Variants in BSCL2 observed in about 807,000 individuals in gnomAD.
BSCL2 encodes seipin.
BSCL2 carries 41 observed loss-of-function variants against 57.4 expected under a neutral mutation model. The ratio of observed to expected loss-of-function variants is 0.71; its 90% CI spans 0.56 to 0.93. The LOEUF (loss-of-function observed/expected upper bound fraction) is 0.93, where lower values mean the gene tolerates loss of function less well. BSCL2 is among the 40% of genes least tolerant of loss of function. The pLI, the probability that BSCL2 is intolerant of heterozygous loss-of-function variation, is 0.00. For missense variants in BSCL2, 539 were observed against 586.7 expected (o/e 0.92, Z 0.84); for synonymous variants, 237 against 227.3 (o/e 1.04, Z -0.38).
intron 3 of BSCL2, among the ~76,000 whole-genome samples, chr11:62,695,976 C>T (rs1180011084): frequency 6.6e-6 from 1 of 151,994 alleles, no homozygotes; most frequent in Admixed American, 6.6e-5. Flanking sequence ...AGTTCAAGAC[C>T]AGCCTGGCCA....
At chr11:62,694,390 GA>G (rs1228897094) in intron 4 of BSCL2, among the ~76,000 whole-genome samples, 177 bp downstream of exon 4, 1 of 151,298 alleles carries the variant, frequency 6.6e-6, no homozygotes, top group Admixed American at 6.6e-5. Context: ...TTTTTTTGTA[GA>G]GATGGGTTTC....
At chr11:62,699,811 TG>T (rs1447614010) in intron 3 of BSCL2, among the ~76,000 whole-genome samples, 1 of 151,090 alleles carries the variant, frequency 6.6e-6, no homozygotes, top group East Asian at 2.0e-4. Flanking sequence ...CCAAAGTAGC[TG>T]GGACTATAGG....
At chr11:62,707,043 C>T in intron 1 of BSCL2, 66 bp downstream of exon 1, 5 of 1,098,522 alleles carry the variant, frequency 4.6e-6, no homozygotes, top group South Asian at 1.3e-5. Context: ...CATCCCCCCG[C>T]CCCCTTCACG....
chr11:62,698,097 C>T (rs1408278238), intron 3 of BSCL2, among the ~76,000 whole-genome samples: 3 of 151,922 alleles, frequency 2.0e-5, no homozygotes, highest in African/African-American at 7.3e-5. Flanking sequence ...TTAGTAGAGA[C>T]AGGGTTTCAC....
chr11:62,704,537 C>T (rs1945757109), intron 2 of BSCL2, among the ~76,000 whole-genome samples: 1 of 150,694 alleles, frequency 6.6e-6, no homozygotes, highest in Admixed American at 6.7e-5. Flanking sequence ...CAGAGCAAGA[C>T]TCCATCTCAA....
At chr11:62,708,836 CT>C, upstream of BSCL2, 3 of 1,554,638 alleles carry the variant, frequency 1.9e-6, no homozygotes, top group Non-Finnish European at 2.7e-6. Context: ...CAACTCCTCC[CT>C]TTTCCCTCTC....
At chr11:62,695,711 C>CAAAA (rs398016310) in intron 3 of BSCL2, among the ~76,000 whole-genome samples, 1 of 66,450 alleles carries the variant, frequency 1.5e-5, no homozygotes, top group African/African-American at 5.7e-5. Context: ...AACTCTGTCT[C>CAAAA]AAAAAAAAAA....
Position 62,705,464 on chromosome 11 carries a change from C to T in BSCL2, c.241G>A (p.Gly81Ser). ...VPALLWAQEV[G>S]QVLAGRARRL... The stretch of plus-strand genomic sequence containing the variant: ...CGGGCACGGCCTGCCAAGACTTGGC[C>T]CACCTCCTGGGCCCACAGTAAGGCA... The change falls in exon 2 of 11, where the codon GGC becomes AGC. Residue 81 changes from glycine (G) to serine (S), a missense_variant. Physicochemically the swap from Gly to Ser is moderately conservative, Grantham distance 56. This residue lies in a region of BSCL2 where 218 missense variants were observed against 224.8 expected (regional missense o/e 0.97). Coordinates refer to ENST00000360796, the MANE Select transcript of BSCL2 (RefSeq NM_001122955.4). 1 of 1,614,162 alleles carries T rather than the reference C, an allele frequency of 6.2e-7. No homozygotes were observed. The highest frequency in any genetic ancestry group is 8.5e-7 in the Non-Finnish European group (1 of 1,180,020).
intron 2 of BSCL2, among the ~76,000 whole-genome samples, chr11:62,703,348 T>C (rs1945702747): frequency 9.8e-5 from 1 of 10,248 alleles, no homozygotes; most frequent in South Asian, 4.3e-3. Flanking sequence ...TGCATATACG[T>C]TTTTTTTTTT....
At position 62,690,310 on chromosome 11, in the gene BSCL2, G is replaced by T. The variant is rs567462672; in HGVS notation, c.*57C>A. 3 of 1,611,000 alleles carry T rather than the reference G, an allele frequency of 1.9e-6. No homozygotes were observed. Among genetic ancestry groups the T allele is most frequent in the Non-Finnish European group, 8.5e-7 (1 of 1,178,462 alleles). On this transcript the variant is annotated 3_prime_UTR_variant, in exon 11 of 11. Coordinates refer to ENST00000360796, the MANE Select transcript of BSCL2 (RefSeq NM_001122955.4). ...CAAAATAGTTTATTGAAGGAAAAAC[G>T]AGGGGAGAGGAGTCAGGTGGGAAAG...
rs914194711 is a variant in BSCL2, at chr11:62,707,343, T to C, written c.-148A>G. On this transcript the variant is annotated 5_prime_UTR_variant, in exon 1 of 11. Transcript: ENST00000360796. Reference sequence around the variant, plus strand: ...AGGGTCCCTGGGAGAGAAACGAAGATTCAGGTGCTAAGTGCTGTGTCAGAG... The same window carrying C: ...AGGGTCCCTGGGAGAGAAACGAAGACTCAGGTGCTAAGTGCTGTGTCAGAG... The C allele has an allele frequency of 5.2e-6, 4 of 767,820 alleles. No individual in the cohort carries two copies. The highest frequency in any genetic ancestry group is 9.1e-6 in the Non-Finnish European group (4 of 441,444). 47.6% of individuals were successfully genotyped at this position (767,820 alleles called of 1,614,324 possible). A position where few individuals can be genotyped will look rare whatever the true frequency, so the allele number is the denominator to read the frequency against.
upstream of BSCL2, chr11:62,708,277 G>A (rs765766047): frequency 4.6e-6 from 7 of 1,527,282 alleles, no homozygotes; most frequent in Admixed American, 3.3e-5. Context: ...TGCTCTGAGA[G>A]GTCCCTCTTT....
intron 3 of BSCL2, among the ~76,000 whole-genome samples, chr11:62,701,221 A>G (rs1002232404): frequency 6.6e-6 from 1 of 152,194 alleles, no homozygotes. Flanking sequence ...TTAGGTCTAA[A>G]ACATTGCTTA....
upstream of BSCL2, chr11:62,708,688 C>T (rs2083584360): frequency 1.2e-6 from 2 of 1,613,836 alleles, no homozygotes; most frequent in East Asian, 4.5e-5. Flanking sequence ...GTGTCCAAGG[C>T]AGCAGCAGAC....
At chr11:62,697,815 C>T (rs1158858545) in intron 3 of BSCL2, among the ~76,000 whole-genome samples, 1 of 151,330 alleles carries the variant, frequency 6.6e-6, no homozygotes, top group Non-Finnish European at 1.5e-5. Flanking sequence ...AAAAAGGATC[C>T]GCTTTGAACA....
At chr11:62,704,903 G>C (rs1348978295) in intron 2 of BSCL2, among the ~76,000 whole-genome samples, 1 of 152,116 alleles carries the variant, frequency 6.6e-6, no homozygotes, top group Non-Finnish European at 1.5e-5. Context: ...GGGACTGAGA[G>C]GCAGTAATGT....
chr11:62,690,965 G>C, intron 8 of BSCL2, 98 bp from the exon 9 acceptor site: 1 of 1,575,192 alleles, frequency 6.3e-7, no homozygotes, highest in South Asian at 1.1e-5. Flanking sequence ...TTTGACCCTT[G>C]TCTCAGTCGG....
At chr11:62,701,642 C>T (rs754439018) in intron 3 of BSCL2, among the ~76,000 whole-genome samples, 11 of 151,982 alleles carry the variant, frequency 7.2e-5, no homozygotes, top group Non-Finnish European at 1.2e-4. Context: ...CCATCCTGGC[C>T]AACATGGTGA....
chr11:62,705,763 G>T, intron 1 of BSCL2, 146 bp from the exon 2 acceptor site: 1 of 812,508 alleles, frequency 1.2e-6, no homozygotes, highest in Non-Finnish European at 1.9e-6. Context: ...CCAAATGATT[G>T]TGCCACTCTG....
Sources: allele counts gnomAD v4.1 joint callset (sites outside exome capture counted in the v4.1 genomes callset), GRCh38; gene constraint gnomAD v4.1.1; regional missense constraint gnomAD v4.1.1; transcripts MANE v1.5; gene names NCBI Gene and HGNC (gene_info 2026-07-23, HGNC 2026-07-21).